The following NALF1 variants were observed in gnomAD, a reference collection of about 807,000 sequenced individuals.
NALF1 encodes NALCN channel auxiliary factor 1.
A neutral mutation model predicts 48.4 loss-of-function variants in NALF1; 3 were observed. The ratio of observed to expected loss-of-function variants is 0.06; its 90% CI spans 0.03 to 0.16. The LOEUF (loss-of-function observed/expected upper bound fraction) is 0.16, where lower values mean the gene tolerates loss of function less well. Ranked by LOEUF, NALF1 falls within the 10% of genes least tolerant of loss-of-function variation. The probability of loss-of-function intolerance (pLI) is 1.00; values close to 1 mark genes in which losing one functional copy is unlikely to be tolerated. For missense variants in NALF1, 526 were observed against 571.5 expected (o/e 0.92, Z 0.81); for synonymous variants, 262 against 245.7 (o/e 1.07, Z -0.62).
chr13:107,197,665 G>A (rs1879422313), intron 2 of NALF1, among the ~76,000 whole-genome samples: 1 of 152,190 alleles, frequency 6.6e-6, no homozygotes, highest in African/African-American at 2.4e-5. Flanking sequence ...CTCACCTGCT[G>A]GAGTGGGGCA....
At chr13:107,183,081 G>A (rs983030072) in intron 2 of NALF1, among the ~76,000 whole-genome samples, 25 of 152,134 alleles carry the variant, frequency 1.6e-4, no homozygotes, top group Non-Finnish European at 3.7e-4. Flanking sequence ...TTCCTGCCAC[G>A]TGCCTCCCTC....
At position 107,619,146 on chromosome 13, in the gene NALF1, G is replaced by A. The variant is rs183061443; in HGVS notation, c.915+246536C>T. Among the ~76,000 whole-genome samples the A allele has an allele frequency of 2.9e-3, 437 of 152,334 alleles. 2 individuals carry two copies. Among genetic ancestry groups the A allele is most frequent in the Non-Finnish European group, 4.2e-3 (285 of 68,040 alleles). On this transcript the variant is annotated intron_variant, in intron 1 of 2. Transcript: ENST00000375915. ...TTCATTTATTTAAATGGCAATAGCCGTGGTGTCTGGTGAACACCTTACCAG... is the reference window on the plus strand; with the variant it reads ...TTCATTTATTTAAATGGCAATAGCCATGGTGTCTGGTGAACACCTTACCAG...
At chr13:107,692,348 A>C (rs959076259) in intron 1 of NALF1, among the ~76,000 whole-genome samples, 1 of 152,156 alleles carries the variant, frequency 6.6e-6, no homozygotes, top group Non-Finnish European at 1.5e-5. Flanking sequence ...TTGAAATATT[A>C]GTTCTGTGTG....
intron 1 of NALF1, among the ~76,000 whole-genome samples, chr13:107,748,166 A>G (rs752174524): frequency 7.9e-5 from 12 of 152,200 alleles, no homozygotes; most frequent in Non-Finnish European, 1.5e-4. Context: ...AACAGTTGTG[A>G]AAAGGATAAG....
intron 1 of NALF1, among the ~76,000 whole-genome samples, chr13:107,421,449 A>G (rs1024426293): frequency 2.6e-5 from 4 of 152,200 alleles, no homozygotes; most frequent in African/African-American, 9.6e-5. Context: ...CCTTTGATTC[A>G]AAAAACAGTA....
chr13:107,344,470 T>G (rs956189099), intron 1 of NALF1, among the ~76,000 whole-genome samples: 1 of 152,118 alleles, frequency 6.6e-6, no homozygotes, highest in African/African-American at 2.4e-5. Flanking sequence ...CAAAAGTACA[T>G]TAAAAAGATT....
At chr13:107,395,528 C>T (rs143207010) in intron 1 of NALF1, among the ~76,000 whole-genome samples, 1 of 152,152 alleles carries the variant, frequency 6.6e-6, no homozygotes, top group Non-Finnish European at 1.5e-5. Flanking sequence ...GAAGTGTCAC[C>T]GTGGACTCAT....
intron 1 of NALF1, chr13:107,788,841 G>A (rs984685364): frequency 1.5e-4 from 23 of 152,038 alleles, no homozygotes; most frequent in Non-Finnish European, 3.1e-4. Context: ...CTGAAGGATA[G>A]TGGCAACCGG....
At chr13:107,509,223 T>C (rs1046442866) in intron 1 of NALF1, among the ~76,000 whole-genome samples, 7 of 152,292 alleles carry the variant, frequency 4.6e-5, no homozygotes, top group Admixed American at 3.9e-4. Flanking sequence ...TATAATATTA[T>C]ATACAAACGC....
chr13:107,269,850 C>A (rs7489712), intron 1 of NALF1, among the ~76,000 whole-genome samples: 9,233 of 150,080 alleles, frequency 0.062, 467 homozygotes, highest in African/African-American at 0.12. Flanking sequence ...CGGGTTCACG[C>A]CATTCTCCTG....
chr13:107,525,688 A>C (rs1391946539), intron 1 of NALF1, among the ~76,000 whole-genome samples: 3 of 152,102 alleles, frequency 2.0e-5, no homozygotes, highest in Non-Finnish European at 4.4e-5. Context: ...AGAAATTGAC[A>C]ATCTGTTTTT....
intron 1 of NALF1, among the ~76,000 whole-genome samples, chr13:107,573,342 G>T (rs588109): frequency 0.89 from 135,108 of 151,648 alleles, 61,767 homozygotes; most frequent in East Asian, 1. Flanking sequence ...TAATTCTTAT[G>T]TTGCTAAGGT....
At chr13:107,653,273 A>G (rs2138469592) in intron 1 of NALF1, among the ~76,000 whole-genome samples, 1 of 149,970 alleles carries the variant, frequency 6.7e-6, no homozygotes, top group South Asian at 2.1e-4. Context: ...GAATTCTCTC[A>G]TATTCTGTTT....
chr13:107,675,743 A>G (rs1171584607), intron 1 of NALF1, among the ~76,000 whole-genome samples: 1 of 152,148 alleles, frequency 6.6e-6, no homozygotes, highest in African/African-American at 2.4e-5. Context: ...GCGCATGTCA[A>G]TTCTTGTCCT....
rs66877726 is a variant in NALF1 at position 107,287,707 on chromosome 13, T to TTTC, written c.916-76953_916-76952insGAA. On this transcript the variant is annotated intron_variant, in intron 1 of 2. Transcript: ENST00000375915. The stretch of plus-strand genomic sequence containing the variant: ...CTTTTCCTTTCTTTTCTTTTCTTTC[T>TTTC]TTTTTTTTTTTTTTTTGAGACAGAG... Among the ~76,000 whole-genome samples the TTTC allele has an allele frequency of 5.0e-3, 85 of 17,104 alleles. 1 individual carries two copies. The South Asian group carries it at 0.17, about 34-fold the overall frequency. The allele number at this position is 17,104 out of a possible 152,430, so 11.2% of individuals were successfully genotyped here. A position where few individuals can be genotyped will look rare whatever the true frequency, so the allele number is the denominator to read the frequency against.
At chr13:107,315,215 C>A (rs1882122761) in intron 1 of NALF1, among the ~76,000 whole-genome samples, 1 of 151,944 alleles carries the variant, frequency 6.6e-6, no homozygotes, top group African/African-American at 2.4e-5. Flanking sequence ...TACAGTAATA[C>A]ATTCTTTGTT....
chr13:107,786,420 A>C (rs1241502177), intron 1 of NALF1, among the ~76,000 whole-genome samples: 1 of 140,926 alleles, frequency 7.1e-6, no homozygotes, highest in Non-Finnish European at 1.5e-5. Context: ...CTTTCTCAAA[A>C]AAAAAAAAAA....
intron 1 of NALF1, among the ~76,000 whole-genome samples, chr13:107,229,577 G>A (rs1880177512): frequency 6.6e-6 from 1 of 152,150 alleles, no homozygotes; most frequent in South Asian, 2.1e-4. Context: ...GAGTCCACAG[G>A]AGATTCAAAG....
intron 1 of NALF1, among the ~76,000 whole-genome samples, chr13:107,240,101 AT>A (rs1219518470): frequency 2.6e-5 from 4 of 152,214 alleles, no homozygotes; most frequent in African/African-American, 9.6e-5. Context: ...TATGGGCTGG[AT>A]TGTATGCCTA....
Sources: gnomAD v4.1 joint callset for allele counts (sites outside exome capture counted in the v4.1 genomes callset) on GRCh38, gnomAD v4.1.1 for gene constraint, MANE v1.5 for transcripts, NCBI Gene and HGNC (gene_info 2026-07-23, HGNC 2026-07-21) for gene names.